The following ATP13A5 variants were observed in gnomAD, a reference collection of about 807,000 sequenced individuals.
The protein encoded by ATP13A5 is ATPase 13A5, also known as probable cation-transporting ATPase 13A5.
Under a neutral mutation model 150.2 loss-of-function variants are expected in ATP13A5, and 149 were observed. The observed-to-expected ratio is 0.99, with a 90% confidence interval of 0.87 to 1.14. The LOEUF (loss-of-function observed/expected upper bound fraction) is 1.14. ATP13A5 is among the 50% of genes most tolerant of loss of function. ATP13A5 has a pLI of 0.00. For missense variants in ATP13A5, 1,383 were observed against 1,449.3 expected (o/e 0.95, Z 0.74); for synonymous variants, 497 against 522.2 (o/e 0.95, Z 0.66).
Position 193,319,111 on chromosome 3 carries a change from G to T in ATP13A5, c.1916-3C>A. On this transcript the variant is annotated splice_polypyrimidine_tract_variant and splice_region_variant and intron_variant, in intron 16 of 29. Transcript: ENST00000342358. ...TTCCTGTGGGAAATTCTTGGGCACT[G>T]CCAGGGTAGAAGAAACAGGTAAGTG... 1.2e-6 allele frequency: 2 copies of T among 1,610,058 alleles called. No individual in the cohort carries two copies. Among genetic ancestry groups the T allele is most frequent in the Non-Finnish European group, 1.7e-6 (2 of 1,176,472 alleles).
intron 21 of ATP13A5, 139 bp downstream of exon 21, chr3:193,310,499 T>C: frequency 3.2e-6 from 2 of 630,898 alleles, no homozygotes; most frequent in Non-Finnish European, 5.4e-6. Context: ...TGTATAAGTG[T>C]TCCCTTTTCT....
chr3:193,319,779 C>A (rs75813594), intron 16 of ATP13A5, among the ~76,000 whole-genome samples: 5,812 of 147,030 alleles, frequency 0.04, 324 homozygotes, highest in African/African-American at 0.13. Flanking sequence ...GTCAAAAAAA[C>A]AAAACTAGGA....
At chr3:193,377,663 G>A (rs1713689420) in intron 1 of ATP13A5, among the ~76,000 whole-genome samples, 1 of 152,176 alleles carries the variant, frequency 6.6e-6, no homozygotes, top group South Asian at 2.1e-4. Context: ...GGGAGAGCCG[G>A]TATGGATTTG....
intron 7 of ATP13A5, among the ~76,000 whole-genome samples, chr3:193,350,165 A>G (rs915458413): frequency 1.3e-5 from 2 of 152,100 alleles, no homozygotes; most frequent in Non-Finnish European, 2.9e-5. Flanking sequence ...GTAAGATCTT[A>G]TTTTAATTTT....
chr3:193,339,942 T>C (rs1427640372), intron 9 of ATP13A5, among the ~76,000 whole-genome samples: 1 of 152,196 alleles, frequency 6.6e-6, no homozygotes, highest in Non-Finnish European at 1.5e-5. Context: ...GATAATTTGT[T>C]CCAGAGATAA....
Position 193,314,066 on chromosome 3 carries a change from C to G in ATP13A5, c.2286G>C (p.Leu762=). Residue 762 remains leucine (L), a synonymous_variant, in exon 19 of 30, where the codon CTG becomes CTC. Transcript: ENST00000342358. ...CAGGTCCAGTCTCTTGGTTCTCCAC[C>G]AGCTGCCAGGTCACAGAGGCAGGAA... ...EFVPASVTWQ[L]VENQETGPGK... is the part of the protein sequence containing the mutation. 1 of 1,613,716 alleles carries G rather than the reference C, an allele frequency of 6.2e-7. No individual in the cohort carries two copies. The highest frequency in any genetic ancestry group is 1.7e-4 in the Middle Eastern group (1 of 5,864).
chr3:193,316,780 C>G (rs1357869355), intron 17 of ATP13A5, among the ~76,000 whole-genome samples: 1 of 152,090 alleles, frequency 6.6e-6, no homozygotes, highest in Non-Finnish European at 1.5e-5. Context: ...CTATTTCACT[C>G]TGTTATTTCC....
chr3:193,314,007 G>A (rs373941760), intron 19 of ATP13A5, 26 bp downstream of exon 19: 10 of 1,610,360 alleles, frequency 6.2e-6, no homozygotes, highest in East Asian at 2.2e-5. Context: ...CTAGGCCCAC[G>A]GAGGGGCCTT....
In ATP13A5 at chr3:193,301,245, A is replaced by T. The variant is rs1277612934; in HGVS notation, c.2741T>A (p.Ile914Lys). 1 of 1,613,554 alleles carries T rather than the reference A, an allele frequency of 6.2e-7. No homozygotes were observed. The highest frequency in any genetic ancestry group is 1.7e-5 in the Admixed American group (1 of 59,976). ...GVFKYLTMYG[I>K]IQFISALLLY... ...CAGTAATGCACTGATAAACTGGATTATGCCGTACATGGTCAAGTATTTAAA... is the reference window on the plus strand; with the variant it reads ...CAGTAATGCACTGATAAACTGGATTTTGCCGTACATGGTCAAGTATTTAAA... The change falls in exon 24 of 30, where the codon ATA becomes AAA. Residue 914 changes from isoleucine to lysine, a missense_variant. This residue lies in a region of ATP13A5 where 568 missense variants were observed against 621.5 expected (regional missense o/e 0.91). Coordinates refer to ENST00000342358, the MANE Select transcript of ATP13A5 (RefSeq NM_198505.4).
chr3:193,280,554 A>G (rs1717442759), intron 27 of ATP13A5, among the ~76,000 whole-genome samples: 1 of 152,162 alleles, frequency 6.6e-6, no homozygotes. Flanking sequence ...AGAAATTAGC[A>G]TGTACATCTG....
At chr3:193,328,653 G>A (rs2108869897) in intron 12 of ATP13A5, among the ~76,000 whole-genome samples, 1 of 152,308 alleles carries the variant, frequency 6.6e-6, no homozygotes, top group Non-Finnish European at 1.5e-5. Context: ...AGGGGAATAA[G>A]ATAGAAAGAG....
chr3:193,314,297 T>G, intron 18 of ATP13A5, 104 bp from the exon 19 acceptor site: 2 of 1,298,322 alleles, frequency 1.5e-6, no homozygotes, highest in Non-Finnish European at 2.1e-6. Flanking sequence ...TTGAGAGCAT[T>G]TACCGCTTTC....
intron 27 of ATP13A5, among the ~76,000 whole-genome samples, chr3:193,279,875 C>G (rs535061464): frequency 1.3e-5 from 2 of 149,074 alleles, no homozygotes; most frequent in African/African-American, 2.5e-5. Flanking sequence ...CCTTTCTAAC[C>G]TGGTCTCTGA....
In ATP13A5 at chr3:193,310,705, C is replaced by T. The variant is rs1718809916; in HGVS notation, c.2458G>A (p.Gly820Arg). 6.2e-7 allele frequency: 1 copy of T among 1,603,904 alleles called. No individual in the cohort carries two copies. The highest frequency in any genetic ancestry group is 2.2e-5 in the East Asian group (1 of 44,760). Residue 820 changes from glycine to arginine, a missense_variant, in exon 21 of 30, where the codon GGA (glycine) becomes AGA (arginine). Transcript: ENST00000342358. ...NSLLPKILVN[G>R]TVFARMSPGQ... Reference sequence around the variant, plus strand: ...GGAGACATTCTTGCAAAAACTGTTCCATTCACCAGAATCTAAAAAGAAAAA... The same window carrying T: ...GGAGACATTCTTGCAAAAACTGTTCTATTCACCAGAATCTAAAAAGAAAAA...
At chr3:193,369,271 T>A (rs1374197810) in intron 1 of ATP13A5, among the ~76,000 whole-genome samples, 1 of 151,946 alleles carries the variant, frequency 6.6e-6, no homozygotes, top group Non-Finnish European at 1.5e-5. Flanking sequence ...TATATAGAAA[T>A]GAATTTTAAA....
intron 12 of ATP13A5, among the ~76,000 whole-genome samples, chr3:193,328,040 G>T (rs1474101012): frequency 6.6e-6 from 1 of 152,210 alleles, no homozygotes; most frequent in East Asian, 1.9e-4. Context: ...TTAGCATAAT[G>T]CTTTACAGGA....
Position 193,275,062 on chromosome 3 carries a change from G to A in ATP13A5, c.3637C>T (p.His1213Tyr). 1.2e-6 allele frequency: 2 copies of A among 1,614,190 alleles called. No individual in the cohort carries two copies. Among genetic ancestry groups the A allele is most frequent in the Non-Finnish European group, 1.7e-6 (2 of 1,180,038 alleles). The change falls in exon 30 of 30, where the codon CAT (histidine) becomes TAT (tyrosine). Residue 1213 changes from histidine to tyrosine, a missense_variant. Physicochemically the swap from His to Tyr is moderately conservative, Grantham distance 83. This residue lies in a region of ATP13A5 where 568 missense variants were observed against 621.5 expected (regional missense o/e 0.91). Transcript: ENST00000342358. ...LKLGGQPTEQ[H>Y]FWARL ...TCTGATTACAGCCTGGCCCAGAAAT[G>A]CTGTTCTGTGGGTTGGCCTCCCAAT...
At chr3:193,283,313 A>C (rs1690247346) in intron 27 of ATP13A5, among the ~76,000 whole-genome samples, 1 of 152,218 alleles carries the variant, frequency 6.6e-6, no homozygotes, top group South Asian at 2.1e-4. Flanking sequence ...GTGATAATCT[A>C]TCCTATTTCA....
At chr3:193,301,639 C>T (rs914446261) in intron 23 of ATP13A5, among the ~76,000 whole-genome samples, 2 of 152,188 alleles carry the variant, frequency 1.3e-5, no homozygotes, top group African/African-American at 4.8e-5. Flanking sequence ...GTATTATAAA[C>T]ACAATACAAC....
Sources: allele counts gnomAD v4.1 joint callset (sites outside exome capture counted in the v4.1 genomes callset), GRCh38; gene constraint gnomAD v4.1.1; regional missense constraint gnomAD v4.1.1; transcripts MANE v1.5; gene names NCBI Gene and HGNC (gene_info 2026-07-23, HGNC 2026-07-21).